Variants in RBPJ observed in about 807,000 individuals in gnomAD.
RBPJ encodes recombination signal binding protein for immunoglobulin kappa J region.
RBPJ carries 9 observed loss-of-function variants against 67.8 expected under a neutral mutation model. The ratio of observed to expected loss-of-function variants is 0.13; its 90% CI spans 0.08 to 0.23. The LOEUF (loss-of-function observed/expected upper bound fraction) is 0.23. RBPJ is among the 10% of genes least tolerant of loss of function. RBPJ has a pLI of 1.00. For synonymous variants in RBPJ, 198 were observed against 203.3 expected (o/e 0.97, Z 0.22); for missense variants, 305 against 595.6 (o/e 0.51, Z 5.08).
At chr4:26,238,457 T>C (rs1719522655) in intron 1 of RBPJ, among the ~76,000 whole-genome samples, 1 of 152,130 alleles carries the variant, frequency 6.6e-6, no homozygotes, top group Non-Finnish European at 1.5e-5. Context: ...TATGCAGGGA[T>C]AAAATAGAAG....
intron 1 of RBPJ, among the ~76,000 whole-genome samples, chr4:26,313,241 A>G (rs1191807380): frequency 6.6e-6 from 1 of 152,164 alleles, no homozygotes; most frequent in East Asian, 1.9e-4. Flanking sequence ...CTATTAGAAA[A>G]TAATTCTATG....
At chr4:26,114,261 C>T in the RBPJ span, among the ~76,000 whole-genome samples, 1 of 151,964 alleles carries the variant, frequency 6.6e-6, no homozygotes, top group Non-Finnish European at 1.5e-5. Flanking sequence ...GAGTTCGAGA[C>T]CAGCCTGACC....
intron 1 of RBPJ, among the ~76,000 whole-genome samples, chr4:26,301,989 C>A (rs995219304): frequency 6.6e-6 from 1 of 152,110 alleles, no homozygotes; most frequent in Admixed American, 6.5e-5. Flanking sequence ...GATGGGGTTT[C>A]GCCATGTTGG....
intron 1 of RBPJ, among the ~76,000 whole-genome samples, chr4:26,186,654 G>A (rs1717275653): frequency 6.6e-6 from 1 of 152,126 alleles, no homozygotes; most frequent in Non-Finnish European, 1.5e-5. Context: ...CAGACCTGCT[G>A]AGGTCCACTC....
In RBPJ at chr4:26,378,602, T is replaced by C. The variant is rs76469653; in HGVS notation, c.21-7751T>C. ...GGTGGCTGCAGTTGATGCTGTTAGTTACCCTCATTTAGATCTTTTCATTCT... is the reference window on the plus strand; with the variant it reads ...GGTGGCTGCAGTTGATGCTGTTAGTCACCCTCATTTAGATCTTTTCATTCT... On this transcript the variant is annotated intron_variant, in intron 1 of 10. Transcript: ENST00000355476. 9.4e-3 allele frequency among the ~76,000 whole-genome samples: 1,426 copies of C among 152,310 alleles called. 17 individuals are homozygous for C. Among genetic ancestry groups the C allele is most frequent in the African/African-American group, 0.033 (1,360 of 41,558 alleles).
chr4:26,214,261 C>A lies in RBPJ; in HGVS notation c.-167+50647C>A, dbSNP rs1056425726. On this transcript the variant is annotated intron_variant, in intron 1 of 4. Coordinates refer to the RBPJ transcript ENST00000512351. Reference sequence around the variant, plus strand: ...AAAGAGAAAAGGGAGAAAAGAGAGACGAAAGAAAGAAAGAGAAAGGAGGAA... The same window carrying A: ...AAAGAGAAAAGGGAGAAAAGAGAGAAGAAAGAAAGAAAGAGAAAGGAGGAA... Among the ~76,000 whole-genome samples the A allele has an allele frequency of 1.9e-4, 9 of 46,400 alleles. No individual in the cohort carries two copies. In the East Asian group the frequency reaches 4.9e-3, roughly 25 times the overall value. 30.4% of individuals were successfully genotyped at this position (46,400 alleles called of 152,430 possible).
chr4:26,237,915 G>GT (rs1459218568), intron 1 of RBPJ, among the ~76,000 whole-genome samples: 1 of 152,136 alleles, frequency 6.6e-6, no homozygotes, highest in African/African-American at 2.4e-5. Context: ...GTCTCACTAT[G>GT]TTGACCAAGC....
intron 1 of RBPJ, among the ~76,000 whole-genome samples, chr4:26,185,166 T>G (rs1174207367): frequency 6.7e-6 from 1 of 148,708 alleles, no homozygotes; most frequent in Non-Finnish European, 1.5e-5. Flanking sequence ...GAAAAGATAG[T>G]TATGTTGTTT....
chr4:26,211,337 C>T (rs977712218), intron 1 of RBPJ, among the ~76,000 whole-genome samples: 3 of 152,100 alleles, frequency 2.0e-5, no homozygotes, highest in Non-Finnish European at 4.4e-5. Context: ...AGTACTGTGT[C>T]GTCCATAAAC....
chr4:26,133,774 G>A, the RBPJ span, among the ~76,000 whole-genome samples: 1 of 150,706 alleles, frequency 6.6e-6, no homozygotes, highest in African/African-American at 2.4e-5. Context: ...CTTCTACCAG[G>A]TGGTCCCTAG....
In RBPJ at chr4:26,424,814, AT is replaced by A. The variant is rs1238593421; in HGVS notation, c.747+73del. 2 of 884,834 alleles carry A rather than the reference AT, an allele frequency of 2.3e-6. No homozygotes were observed. Among genetic ancestry groups the A allele is most frequent in the Non-Finnish European group, 3.7e-6 (2 of 546,910 alleles). The allele number at this position is 884,834 out of a possible 1,614,324, so 54.8% of individuals were successfully genotyped here. A position where few individuals can be genotyped will look rare whatever the true frequency, so the allele number is the denominator to read the frequency against. On this transcript the variant is annotated intron_variant, in intron 7 of 10. Transcript: ENST00000355476. This position sits in a 1 kb window ranked among gnomAD's most constrained non-coding sequence, Gnocchi z 5.3. ...ATTTCTTAAACAGGAAAATCACAACATTCAAATGGAAAAACACACCTCAGTT... is the reference window on the plus strand; with the variant it reads ...ATTTCTTAAACAGGAAAATCACAACATCAAATGGAAAAACACACCTCAGTT...
chr4:26,390,008 A>G (rs73121182), intron 2 of RBPJ, among the ~76,000 whole-genome samples: 24 of 152,294 alleles, frequency 1.6e-4, no homozygotes, highest in East Asian at 5.8e-4. Flanking sequence ...ATTACTGTCC[A>G]GTATCCCTTG....
chr4:26,191,911 C>T (rs979489680), intron 1 of RBPJ, among the ~76,000 whole-genome samples: 3 of 152,174 alleles, frequency 2.0e-5, no homozygotes, highest in African/African-American at 7.2e-5. Flanking sequence ...GCCAACCTTA[C>T]AAGCAGGCCT....
chr4:26,312,595 C>T (rs1722468847), intron 1 of RBPJ, among the ~76,000 whole-genome samples: 1 of 152,212 alleles, frequency 6.6e-6, no homozygotes, highest in Admixed American at 6.5e-5. Flanking sequence ...GTCTTCTGAA[C>T]TCCCACTGCA....
intron 1 of RBPJ, among the ~76,000 whole-genome samples, chr4:26,376,294 C>A (rs528123986): frequency 6.6e-6 from 1 of 152,164 alleles, no homozygotes; most frequent in Admixed American, 6.5e-5. Context: ...ATTCTCCCTT[C>A]CCCCCAGGTC....
At chr4:26,273,659 C>T (rs989893780) in intron 1 of RBPJ, among the ~76,000 whole-genome samples, 2 of 152,222 alleles carry the variant, frequency 1.3e-5, no homozygotes, top group African/African-American at 4.8e-5. Flanking sequence ...TGCAGAAGAA[C>T]CTAGCAGCGG....
At chr4:26,244,150 CATATATGTATAT>C (rs374743141) in intron 1 of RBPJ, among the ~76,000 whole-genome samples, 2 of 140,898 alleles carry the variant, frequency 1.4e-5, no homozygotes, top group African/African-American at 5.2e-5. Context: ...TATGTGTACA[CATATATGTATAT>C]ATATATGTAT....
chr4:26,172,009 G>A (rs1716606479), intron 1 of RBPJ, among the ~76,000 whole-genome samples: 1 of 152,224 alleles, frequency 6.6e-6, no homozygotes, highest in Non-Finnish European at 1.5e-5. Context: ...TGCTAAGCTG[G>A]AGGTTAAAAT....
At chr4:26,386,213 C>A (rs1730898341) in intron 1 of RBPJ, 140 bp from the exon 2 acceptor site, 4 of 614,936 alleles carry the variant, frequency 6.5e-6, no homozygotes, top group Non-Finnish European at 1.1e-5. Flanking sequence ...CAGATGCTTA[C>A]CAGAGGATTT....
Sources: allele counts gnomAD v4.1 joint callset (sites outside exome capture counted in the v4.1 genomes callset), GRCh38; gene constraint gnomAD v4.1.1; non-coding constraint Gnocchi (gnomAD v3.1); transcripts MANE v1.5; gene names NCBI Gene and HGNC (gene_info 2026-07-23, HGNC 2026-07-21).